LRRC27: variants seen among roughly 807,000 people sequenced by gnomAD.
The protein encoded by LRRC27 is leucine-rich repeat-containing protein 27.
LRRC27 carries 57 observed loss-of-function variants against 55.0 expected under a neutral mutation model. The observed-to-expected ratio is 1.04, with a 90% CI of 0.84 to 1.29. The LOEUF (loss-of-function observed/expected upper bound fraction) is 1.29, where lower values mean the gene tolerates loss of function less well. Ranked by LOEUF, LRRC27 falls within the 50% of genes most tolerant of loss-of-function variation. The pLI is 0.00. For missense variants in LRRC27, 721 were observed against 651.5 expected (o/e 1.11, Z -1.16); for synonymous variants, 278 against 251.9 (o/e 1.10, Z -0.98).
intron 1 of LRRC27, 101 bp from the exon 2 acceptor site, chr10:132,333,376 C>T: frequency 2.2e-6 from 1 of 447,610 alleles, no homozygotes; most frequent in Non-Finnish European, 3.7e-6. Flanking sequence ...AAAATGATAG[C>T]TTTTAAAGCA....
intron 8 of LRRC27, among the ~76,000 whole-genome samples, chr10:132,360,434 C>A (rs908808905): frequency 3.3e-5 from 5 of 152,130 alleles, no homozygotes; most frequent in African/African-American, 9.7e-5. Flanking sequence ...GTTGGAAGAA[C>A]CTTTGGGAGA....
Position 132,355,856 on chromosome 10 carries a change from C to A in LRRC27, c.1140C>A (p.Leu380=), listed in dbSNP as rs2068283691. The part of the protein sequence containing the change: ...AQRMRKRKEE[L]SKLLPPRRSM... ...GGATGAGGAAGAGGAAGGAAGAGCT[C>A]AGCAAACTCCTGCCTCCGCGGAGGA... Residue 380 remains leucine (L), a synonymous_variant, in exon 8 of 11, where the codon CTC becomes CTA. Transcript: ENST00000368614. 1 of 1,557,876 alleles carries A rather than the reference C, an allele frequency of 6.4e-7. No individual in the cohort carries two copies. The highest frequency in any genetic ancestry group is 8.7e-7 in the Non-Finnish European group (1 of 1,150,652).
rs2069353467 is a variant in LRRC27 at position 132,377,528 on chromosome 10, C to T, written c.*2286C>T. The T allele has an allele frequency of 6.6e-6, 1 of 152,150 alleles. No individual in the cohort carries two copies. Among genetic ancestry groups the T allele is most frequent in the African/African-American group, 2.4e-5 (1 of 41,402 alleles). 9.4% of individuals were successfully genotyped at this position (152,150 alleles called of 1,614,324 possible). ...TGATGCTGTTGCTCTCGTCCGCCTC[C>T]CTTCCACAGGTAAGCACGCAAGACA... On this transcript the variant is annotated 3_prime_UTR_variant, in exon 11 of 11. Coordinates refer to ENST00000368614, the MANE Select transcript of LRRC27 (RefSeq NM_030626.3).
chr10:132,363,858 T>C (rs148364826), intron 9 of LRRC27, among the ~76,000 whole-genome samples: 117 of 152,262 alleles, frequency 7.7e-4, no homozygotes, highest in Admixed American at 1.1e-3. Flanking sequence ...GTTCTGTTCC[T>C]GCAGAATTTG....
intron 6 of LRRC27, chr10:132,349,084 T>C: frequency 2.7e-6 from 4 of 1,478,720 alleles, no homozygotes; most frequent in Non-Finnish European, 3.8e-6. Context: ...TGCGTGTGTG[T>C]GCCTGCATGT....
chr10:132,337,042 G>GAA, intron 2 of LRRC27: 1 of 1,277,172 alleles, frequency 7.8e-7, no homozygotes, highest in Non-Finnish European at 1.0e-6. Context: ...GCTGCTCGCT[G>GAA]AGGCTTTGTT....
At chr10:132,349,243 C>T (rs898842169) in intron 6 of LRRC27, among the ~76,000 whole-genome samples, 2 of 152,110 alleles carry the variant, frequency 1.3e-5, no homozygotes, top group East Asian at 1.9e-4. Flanking sequence ...TCTTGGAGGC[C>T]GCAGTGGTCT....
At chr10:132,371,220 G>A (rs1287948590) in intron 10 of LRRC27, among the ~76,000 whole-genome samples, 2 of 152,222 alleles carry the variant, frequency 1.3e-5, no homozygotes, top group East Asian at 1.9e-4. Context: ...CATGGCGTGC[G>A]TCGGGAGCAC....
chr10:132,371,710 G>A (rs917499614), intron 10 of LRRC27, among the ~76,000 whole-genome samples: 1 of 152,234 alleles, frequency 6.6e-6, no homozygotes, highest in African/African-American at 2.4e-5. Context: ...CCGGCCGGCA[G>A]GATGTGAGCA....
chr10:132,355,547 A>G (rs2068267694), intron 7 of LRRC27, among the ~76,000 whole-genome samples: 1 of 152,206 alleles, frequency 6.6e-6, no homozygotes, highest in South Asian at 2.1e-4. Flanking sequence ...GGCCCCCAGC[A>G]TCAGTCACTG....
chr10:132,366,480 T>G (rs779579723), intron 10 of LRRC27: 1 of 157,260 alleles, frequency 6.4e-6, no homozygotes, highest in Non-Finnish European at 1.4e-5. Flanking sequence ...TCCTGGGCTG[T>G]GGGAGAGACG....
chr10:132,347,992 C>G lies in LRRC27; in HGVS notation c.562C>G (p.Pro188Ala), dbSNP rs1334587780. 6.2e-7 allele frequency: 1 copy of G among 1,601,442 alleles called. No homozygotes were observed. Among genetic ancestry groups the G allele is most frequent in the Admixed American group, 1.7e-5 (1 of 57,756 alleles). ...GTTTCTTACTCTCCCAGAGGCTCCA[C>G]CGGTTAGAGAGATGACCCTCCGTGA... The part of the protein sequence containing the change: ...PRNPTSQEAP[P>A]VREMTLRDLP... The change falls in exon 6 of 11, where the codon CCG becomes GCG. Residue 188 changes from proline (P) to alanine (A), a missense_variant. Physicochemically the swap from Pro to Ala is conservative, Grantham distance 27. Transcript: ENST00000368614.
chr10:132,331,500 C>A (rs1177828984), upstream of LRRC27: 1 of 1,612,896 alleles, frequency 6.2e-7, no homozygotes, highest in Non-Finnish European at 8.5e-7. Flanking sequence ...AGAGGACGCT[C>A]TGAGTCTGCG....
chr10:132,342,325 C>T (rs2067454607), intron 4 of LRRC27, 54 bp downstream of exon 4: 9 of 1,179,958 alleles, frequency 7.6e-6, no homozygotes, highest in Non-Finnish European at 1.1e-5. Context: ...TTGAACTTGC[C>T]AGACCTTGTA....
chr10:132,380,352 C>G lies in LRRC27; in HGVS notation c.*5110C>G, dbSNP rs1329507368. 6.6e-6 allele frequency among the ~76,000 whole-genome samples: 1 copy of G among 151,854 alleles called. No homozygotes were observed. Among genetic ancestry groups the G allele is most frequent in the Non-Finnish European group, 1.5e-5 (1 of 68,022 alleles). On this transcript the variant is annotated 3_prime_UTR_variant, in exon 11 of 11. Transcript: ENST00000368614. ...ACTGCATGAAATTAACTGCAGTCCA[C>G]AGTGTGCTGCTGGAATAATTACAAA... is the stretch of plus-strand genomic sequence containing the variant.
In LRRC27 at chr10:132,358,672, GGAGCAGTGTGGGGAGGAGCCGAGGTGGTA is replaced by G. The variant is rs1414257566; in HGVS notation, c.1171-2764_1171-2736del. 2.4e-4 allele frequency among the ~76,000 whole-genome samples: 22 copies of G among 91,476 alleles called. 1 individual carries two copies. Among genetic ancestry groups the G allele is most frequent in the East Asian group, 2.1e-3 (3 of 1,430 alleles). 60.0% of individuals were successfully genotyped at this position (91,476 alleles called of 152,430 possible). ...CAGTGTGGGGAGGAGCCGAGGTGGT[GGAGCAGTGTGGGGAGGAGCCGAGGTGGTA>G]GAGCAGTGTGGGGAGGAGCCAAGGT... is the stretch of plus-strand genomic sequence containing the variant. On this transcript the variant is annotated intron_variant, in intron 8 of 10. Transcript: ENST00000368614.
Position 132,337,577 on chromosome 10 carries a change from C to T in LRRC27, c.223C>T (p.Gln75Ter), listed in dbSNP as rs1483133227. The T allele has an allele frequency of 6.2e-7, 1 of 1,613,186 alleles. No individual in the cohort carries two copies. The highest frequency in any genetic ancestry group is 1.1e-5 in the South Asian group (1 of 90,850). The change falls in exon 3 of 11, where the codon CAA becomes TAA. Residue 75 changes from glutamine to a stop codon, truncating the protein, a stop_gained. Coordinates refer to ENST00000368614, the MANE Select transcript of LRRC27 (RefSeq NM_030626.3). LOFTEE classifies it high-confidence loss of function. ...TTTTCCATGGAAGCAATTGCATCTG[C>T]AAAGGAATGCCCTGTGTGTGATTCC... ...RIPSLQQLHL[Q>*]RNALCVIPQD...
intron 10 of LRRC27, among the ~76,000 whole-genome samples, chr10:132,368,743 T>G (rs1196337445): frequency 6.6e-6 from 1 of 152,282 alleles, no homozygotes; most frequent in South Asian, 2.1e-4. Context: ...TTGGGTATGG[T>G]GATGATGTTT....
chr10:132,346,011 C>T (rs965542533), intron 5 of LRRC27, among the ~76,000 whole-genome samples: 3 of 152,190 alleles, frequency 2.0e-5, no homozygotes, highest in African/African-American at 7.2e-5. Flanking sequence ...CGATGGGACG[C>T]TCCTGGTTTT....
Sources: gnomAD v4.1 joint callset for allele counts (sites outside exome capture counted in the v4.1 genomes callset) on GRCh38, gnomAD v4.1.1 for gene constraint, MANE v1.5 for transcripts, NCBI Gene and HGNC (gene_info 2026-07-23, HGNC 2026-07-21) for gene names.